Variants in APP observed in about 807,000 individuals in gnomAD.
The protein encoded by APP is amyloid beta precursor protein.
A neutral mutation model predicts 101.4 loss-of-function variants in APP; 31 were observed. The observed-to-expected ratio is 0.31, with a 90% CI of 0.23 to 0.41. The LOEUF is 0.41. Ranked by LOEUF, APP falls within the 10% of genes least tolerant of loss-of-function variation. The pLI, the probability that APP is intolerant of heterozygous loss-of-function variation, is 1.00. For missense variants in APP, 839 were observed against 1,003.7 expected (o/e 0.84, Z 2.22); for synonymous variants, 366 against 364.4 (o/e 1.00, Z -0.05).
At chr21:25,936,379 C>A (rs2040366309) in intron 13 of APP, among the ~76,000 whole-genome samples, 1 of 152,174 alleles carries the variant, frequency 6.6e-6, no homozygotes. Context: ...CATGGAGAAA[C>A]CCTGTCTCTA....
At chr21:26,080,769 C>CAA (rs58573361) in intron 3 of APP, among the ~76,000 whole-genome samples, 39 of 95,822 alleles carry the variant, frequency 4.1e-4, no homozygotes, top group East Asian at 2.8e-3. Flanking sequence ...GACTCTATCT[C>CAA]AAAAAAAAAA....
chr21:25,969,833 T>TGAAAAGAAAAGAAAAGAAAA (rs200205249), intron 11 of APP, among the ~76,000 whole-genome samples: 23 of 117,414 alleles, frequency 2.0e-4, no homozygotes, highest in African/African-American at 7.2e-4. Flanking sequence ...AGCAAGACCC[T>TGAAAAGAAAAGAAAAGAAAA]GAAAAGAAAA....
intron 1 of APP, among the ~76,000 whole-genome samples, chr21:26,115,754 T>C (rs1490725995): frequency 6.6e-6 from 1 of 152,190 alleles, no homozygotes; most frequent in Non-Finnish European, 1.5e-5. Flanking sequence ...ACCTGAAATC[T>C]GGCAGGTATT....
chr21:25,897,536 C>A (rs1020451587), intron 16 of APP, 37 bp downstream of exon 16: 1 of 1,492,138 alleles, frequency 6.7e-7, no homozygotes, highest in South Asian at 1.1e-5. Context: ...TTTGGCAAGA[C>A]AAACAGTAGT....
chr21:26,162,932 A>G (rs2063521947), intron 1 of APP, among the ~76,000 whole-genome samples: 1 of 150,234 alleles, frequency 6.7e-6, no homozygotes, highest in Non-Finnish European at 1.5e-5. Flanking sequence ...TCCTATCAAA[A>G]TCACCAAAAA....
intron 13 of APP, among the ~76,000 whole-genome samples, chr21:25,931,198 CAAAG>C (rs2040130075): frequency 6.6e-6 from 1 of 152,050 alleles, no homozygotes; most frequent in Non-Finnish European, 1.5e-5. Context: ...GACAGAATGA[CAAAG>C]AAACAAGCCT....
At chr21:26,088,286 T>C (rs1006663682) in intron 3 of APP, among the ~76,000 whole-genome samples, 1 of 152,240 alleles carries the variant, frequency 6.6e-6, no homozygotes, top group Non-Finnish European at 1.5e-5. Context: ...GTGGATTTCA[T>C]CTTTCCATCA....
chr21:26,145,880 TTTAATG>T (rs1373504301), intron 1 of APP, among the ~76,000 whole-genome samples: 1 of 152,038 alleles, frequency 6.6e-6, no homozygotes, highest in African/African-American at 2.4e-5. Context: ...TATGCCCACT[TTTAATG>T]TATCAGCATA....
At chr21:26,067,037 C>T (rs1347488132) in intron 3 of APP, among the ~76,000 whole-genome samples, 1 of 152,158 alleles carries the variant, frequency 6.6e-6, no homozygotes, top group African/African-American at 2.4e-5. Flanking sequence ...ACAAAAGAAC[C>T]GAGATATAGT....
At chr21:25,887,940 G>T (rs1601279237) in intron 17 of APP, among the ~76,000 whole-genome samples, 1 of 151,924 alleles carries the variant, frequency 6.6e-6, no homozygotes, top group African/African-American at 2.4e-5. Flanking sequence ...TTCTAGGCTT[G>T]TTTCATTTAT....
intron 5 of APP, among the ~76,000 whole-genome samples, chr21:26,036,130 G>A (rs1239582207): frequency 6.6e-6 from 1 of 152,102 alleles, no homozygotes; most frequent in Non-Finnish European, 1.5e-5. Flanking sequence ...ATGGATTACA[G>A]CAATCAGGAA....
Position 26,003,424 on chromosome 21 carries a change from G to A in APP, c.866-3242C>T, listed in dbSNP as rs143307077. ...GCAGTTGGCACTCTTGACTTTGAAC[G>A]GCCCCCAAGAGTTTCACTGCCTTGG... On this transcript the variant is annotated intron_variant, in intron 6 of 17. Transcript: ENST00000346798. Among the ~76,000 whole-genome samples the A allele has an allele frequency of 2.0e-5, 3 of 152,260 alleles. No homozygotes were observed. The East Asian group carries it at 5.8e-4, about 29-fold the overall frequency.
At chr21:26,077,923 A>T (rs925664128) in intron 3 of APP, among the ~76,000 whole-genome samples, 2 of 152,248 alleles carry the variant, frequency 1.3e-5, no homozygotes, top group African/African-American at 4.8e-5. Context: ...TTATCCTTTC[A>T]CTGAACACTG....
At chr21:26,132,393 C>T (rs1224479430) in intron 1 of APP, among the ~76,000 whole-genome samples, 1 of 152,216 alleles carries the variant, frequency 6.6e-6, no homozygotes, top group African/African-American at 2.4e-5. Flanking sequence ...GACATTTCAG[C>T]AAACTGAAGT....
chr21:26,027,716 T>G (rs544452609), intron 5 of APP, among the ~76,000 whole-genome samples: 1 of 152,270 alleles, frequency 6.6e-6, no homozygotes, highest in South Asian at 2.1e-4. Context: ...GGCTATCTAG[T>G]TGTGTGGTCT....
chr21:25,895,920 A>C (rs1028068622), intron 16 of APP, among the ~76,000 whole-genome samples: 1 of 152,210 alleles, frequency 6.6e-6, no homozygotes, highest in Non-Finnish European at 1.5e-5. Context: ...CATTATCTTA[A>C]CTAGTCCAGT....
At chr21:26,110,444 T>G (rs2062288525) in intron 2 of APP, among the ~76,000 whole-genome samples, 1 of 151,736 alleles carries the variant, frequency 6.6e-6, no homozygotes, top group African/African-American at 2.4e-5. Flanking sequence ...AGATGTCATC[T>G]CAAAAAAAAA....
intron 5 of APP, among the ~76,000 whole-genome samples, chr21:26,033,778 T>C (rs73340724): frequency 0.033 from 5,054 of 152,286 alleles, 289 homozygotes; most frequent in African/African-American, 0.12. Flanking sequence ...TCGTGAAGCC[T>C]ACTGAGAACT....
chr21:26,140,399 A>G, intron 1 of APP: 1 of 1,432,162 alleles, frequency 7.0e-7, no homozygotes, highest in Non-Finnish European at 9.2e-7. Context: ...TTAGGCGTGG[A>G]TCACACGCAC....
Sources: gnomAD v4.1 joint callset for allele counts (sites outside exome capture counted in the v4.1 genomes callset) on GRCh38, gnomAD v4.1.1 for gene constraint, MANE v1.5 for transcripts, NCBI Gene and HGNC (gene_info 2026-07-23, HGNC 2026-07-21) for gene names.